HMGN1: variants seen among roughly 807,000 people sequenced by gnomAD.
HMGN1 encodes the protein high mobility group nucleosome binding domain 1, also known as non-histone chromosomal protein HMG-14.
A neutral mutation model predicts 18.4 loss-of-function variants in HMGN1; 9 were observed. The ratio of observed to expected loss-of-function variants is 0.49; its 90% CI spans 0.29 to 0.85. The LOEUF is 0.85. HMGN1 is among the 40% of genes least tolerant of loss of function. HMGN1 has a pLI of 0.07. For missense variants in HMGN1, 151 were observed against 119.2 expected, an observed-to-expected ratio of 1.27 and a Z score of -1.24; for synonymous variants, 59 against 45.0, an observed-to-expected ratio of 1.31 and a Z score of -1.24.
At chr21:39,343,882 G>T (rs2036949382) in intron 5 of HMGN1, among the ~76,000 whole-genome samples, 1 of 152,102 alleles carries the variant, frequency 6.6e-6, no homozygotes, top group Non-Finnish European at 1.5e-5. Context: ...GTACTAGAAG[G>T]TCAAGTTCTT....
chr21:39,348,102 G>T, intron 4 of HMGN1, 190 bp downstream of exon 4: 2 of 879,212 alleles, frequency 2.3e-6, no homozygotes, highest in Non-Finnish European at 3.4e-6. Flanking sequence ...AGCAGCATTA[G>T]TGTGATATAG....
At chr21:39,344,547 T>A (rs1404680515) in intron 5 of HMGN1, 1 of 152,224 alleles carries the variant, frequency 6.6e-6, no homozygotes, top group Admixed American at 6.6e-5. Flanking sequence ...GCTAGAGGAG[T>A]GCAGTAGTGC....
intron 4 of HMGN1, chr21:39,348,074 A>G (rs2037122657): frequency 1.1e-6 from 1 of 928,672 alleles, no homozygotes. Context: ...TTGTCGTCCT[A>G]AGTCTCCTAA....
In HMGN1 at chr21:39,342,841, G is replaced by A. The variant is rs1189445083; in HGVS notation, c.*271C>T. 2 of 1,447,982 alleles carry A rather than the reference G, an allele frequency of 1.4e-6. No individual in the cohort carries two copies. Among genetic ancestry groups the A allele is most frequent in the Middle Eastern group, 2.5e-4 (1 of 3,932 alleles). The allele number at this position is 1,447,982 out of a possible 1,614,324, so 89.7% of individuals were successfully genotyped here. A position where few individuals can be genotyped will look rare whatever the true frequency, so the allele number is the denominator to read the frequency against. ...TAACCCCCCATCTGTGGAATGTTAA[G>A]CTGACACCCGAGACAGTCAGAGCCT... On this transcript the variant is annotated 3_prime_UTR_variant, in exon 6 of 6. Transcript: ENST00000380749.
intron 4 of HMGN1, chr21:39,346,873 A>T (rs1283181799): frequency 1.3e-5 from 2 of 152,272 alleles, no homozygotes; most frequent in African/African-American, 4.8e-5. Context: ...ACTGACATGA[A>T]GACTTACCTG....
chr21:39,347,603 G>C (rs765610987), intron 4 of HMGN1: 38 of 434,788 alleles, frequency 8.7e-5, no homozygotes, highest in Non-Finnish European at 1.7e-4. Context: ...GAGCTTTACA[G>C]GTTTCAATGC....
chr21:39,348,726 A>T, intron 1 of HMGN1, 149 bp from the exon 2 acceptor site: 2 of 1,101,558 alleles, frequency 1.8e-6, no homozygotes, highest in Non-Finnish European at 1.2e-6. Flanking sequence ...CGGCCGCCAA[A>T]CGTTCCAGAA....
At chr21:39,346,165 T>A (rs2037046771) in intron 4 of HMGN1, 1 of 356,880 alleles carries the variant, frequency 2.8e-6, no homozygotes, top group Non-Finnish European at 5.5e-6. Context: ...CCCATACGGA[T>A]ACTGACCAAT....
intron 4 of HMGN1, chr21:39,346,161 C>G (rs576658281): frequency 5.6e-6 from 2 of 358,376 alleles, no homozygotes; most frequent in Non-Finnish European, 1.1e-5. Context: ...AAGACCCATA[C>G]GGATACTGAC....
intron 5 of HMGN1, chr21:39,344,663 C>G (rs1003156867): frequency 6.5e-6 from 1 of 153,240 alleles, no homozygotes; most frequent in Non-Finnish European, 1.4e-5. Flanking sequence ...CAGCTTAAAA[C>G]AATAAAGATT....
Position 39,345,430 on chromosome 21 carries a change from A to G in HMGN1, c.127-156T>C, listed in dbSNP as rs1601552263. 3.4e-5 allele frequency: 23 copies of G among 671,192 alleles called. No homozygotes were observed. The South Asian group carries it at 3.6e-4, about 10-fold the overall frequency. 41.6% of individuals were successfully genotyped at this position (671,192 alleles called of 1,614,324 possible). On this transcript the variant is annotated intron_variant, in intron 4 of 5. Coordinates refer to ENST00000380749, the MANE Select transcript of HMGN1 (RefSeq NM_004965.7). ...GGGACATCTCACACATGAGCGTGAA[A>G]CCCCAATCTTCAAGCTTATGAAAGG...
At chr21:39,348,800 G>T in intron 1 of HMGN1, 103 bp downstream of exon 1, 1 of 1,065,944 alleles carries the variant, frequency 9.4e-7, no homozygotes, top group Non-Finnish European at 1.2e-6. Flanking sequence ...CGCCTCCCGG[G>T]CCCGTCGCCA....
At chr21:39,345,027 A>C in intron 5 of HMGN1, 119 bp downstream of exon 5, 1 of 1,238,740 alleles carries the variant, frequency 8.1e-7, no homozygotes, top group South Asian at 1.9e-5. Flanking sequence ...ACCGTACAAA[A>C]CTTTGTTCAA....
rs1263378848 is a variant in HMGN1, at chr21:39,348,328, T to G, written c.90A>C (p.Ala30=). The change falls in exon 4 of 6, where the codon GCA becomes GCC. Residue 30 remains alanine, a synonymous_variant. Transcript: ENST00000380749. ...CCTTTTTCGGCTTCGCTTCCACTTT[T>G]GCAGGAGGTTTCTGAAAGGCAAAAG... ...RSARLSAKPP[A]KVEAKPKKAA... 1 of 1,614,192 alleles carries G rather than the reference T, an allele frequency of 6.2e-7. No individual in the cohort carries two copies. The highest frequency in any genetic ancestry group is 8.5e-7 in the Non-Finnish European group (1 of 1,180,016).
chr21:39,348,634 C>T, intron 1 of HMGN1, 57 bp from the exon 2 acceptor site: 2 of 1,505,386 alleles, frequency 1.3e-6, no homozygotes, highest in South Asian at 1.3e-5. Context: ...ACTCGCGGGC[C>T]CGCCCGGCCC....
chr21:39,343,235 TAAAAA>T, intron 5 of HMGN1, 76 bp from the exon 6 acceptor site: 2 of 1,398,912 alleles, frequency 1.4e-6, no homozygotes, highest in Non-Finnish European at 2.0e-6. Context: ...ATCAGGTCTT[TAAAAA>T]AGTCAATAAC....
In HMGN1 at chr21:39,348,537, G is replaced by A. The variant is rs2037148401; in HGVS notation, c.48+8C>T. 2 of 1,613,004 alleles carry A rather than the reference G, an allele frequency of 1.2e-6. No homozygotes were observed. Among genetic ancestry groups the A allele is most frequent in the South Asian group, 1.1e-5 (1 of 91,072 alleles). On this transcript the variant is annotated splice_region_variant and intron_variant, in intron 2 of 5. Coordinates refer to ENST00000380749, the MANE Select transcript of HMGN1 (RefSeq NM_004965.7). Reference sequence around the variant, plus strand: ...ACCCACCACCCCCCGCAGAAGGCCCGCACTCACCTCTTCCTTGGCGGCGCC... The same window carrying A: ...ACCCACCACCCCCCGCAGAAGGCCCACACTCACCTCTTCCTTGGCGGCGCC...
In HMGN1 at chr21:39,349,083, C is replaced by T. The variant is rs1335120666; in HGVS notation, c.-166G>A. 3 of 722,658 alleles carry T rather than the reference C, an allele frequency of 4.2e-6. No individual in the cohort carries two copies. Among genetic ancestry groups the T allele is most frequent in the Non-Finnish European group, 5.6e-6 (3 of 540,532 alleles). 44.8% of individuals were successfully genotyped at this position (722,658 alleles called of 1,614,324 possible). A position where few individuals can be genotyped will look rare whatever the true frequency, so the allele number is the denominator to read the frequency against. On this transcript the variant is annotated 5_prime_UTR_variant, in exon 1 of 6. Coordinates refer to ENST00000380749, the MANE Select transcript of HMGN1 (RefSeq NM_004965.7). ...ACCCACAGCGGGGGCGGTGGGAGAA[C>T]CGGATGGAACCGGATTGGGAGCCCG...
chr21:39,347,421 C>T, intron 4 of HMGN1: 1 of 1,277,744 alleles, frequency 7.8e-7, no homozygotes. Flanking sequence ...CCAACAACTC[C>T]TCAATGTCAA....
Sources: gnomAD v4.1 joint callset for allele counts (sites outside exome capture counted in the v4.1 genomes callset) on GRCh38, gnomAD v4.1.1 for gene constraint, MANE v1.5 for transcripts, NCBI Gene and HGNC (gene_info 2026-07-23, HGNC 2026-07-21) for gene names.